Variants in RABGAP1L observed in about 807,000 individuals in gnomAD.
RABGAP1L encodes the protein RAB GTPase activating protein 1 like.
A neutral mutation model predicts 137.7 loss-of-function variants in RABGAP1L; 63 were observed. The observed-to-expected ratio is 0.46, with a 90% CI of 0.37 to 0.56. The LOEUF (loss-of-function observed/expected upper bound fraction) is 0.56. RABGAP1L is among the 20% of genes least tolerant of loss of function. RABGAP1L has a pLI of 0.00. For missense variants in RABGAP1L, 1,095 were observed against 1,244.0 expected, an observed-to-expected ratio of 0.88 and a Z score of 1.80; for synonymous variants, 431 against 433.7, an observed-to-expected ratio of 0.99 and a Z score of 0.08.
At chr1:174,393,843 G>C in intron 12 of RABGAP1L, 152 bp from the exon 13 acceptor site, 1 of 670,894 alleles carries the variant, frequency 1.5e-6, no homozygotes, top group Non-Finnish European at 2.4e-6. Context: ...ATATAACTGA[G>C]CTTAAGCAGT....
In RABGAP1L at chr1:174,756,348, C is replaced by T. The variant is rs567868217; in HGVS notation, c.2211+3994C>T. On this transcript the variant is annotated intron_variant, in intron 18 of 25. Coordinates refer to ENST00000681986, the MANE Select transcript of RABGAP1L (RefSeq NM_001366446.1). ...TATTTTTAGTAGAGACGGGGTTTCA[C>T]CATGTTGGCCAGGCTGGTCTCGAAC... is the stretch of plus-strand genomic sequence containing the variant. Among the ~76,000 whole-genome samples the T allele has an allele frequency of 1.4e-4, 21 of 152,188 alleles. 1 individual carries two copies. The highest frequency in any genetic ancestry group is 1.0e-3 in the Admixed American group (16 of 15,274).
At chr1:174,391,415 C>T (rs890555427) in intron 12 of RABGAP1L, among the ~76,000 whole-genome samples, 1 of 152,188 alleles carries the variant, frequency 6.6e-6, no homozygotes, top group African/African-American at 2.4e-5. Flanking sequence ...CTCTGAGGCT[C>T]AGGTGATTCT....
At chr1:174,944,995 A>G (rs1028385017) in intron 19 of RABGAP1L, among the ~76,000 whole-genome samples, 2 of 152,222 alleles carry the variant, frequency 1.3e-5, no homozygotes, top group Non-Finnish European at 2.9e-5. Context: ...GTTTCTTAGC[A>G]TTTTATGGTG....
chr1:174,649,451 T>C (rs1675269731), intron 14 of RABGAP1L, among the ~76,000 whole-genome samples: 2 of 152,116 alleles, frequency 1.3e-5, no homozygotes, highest in African/African-American at 4.8e-5. Flanking sequence ...ATTTCTCCTT[T>C]GCTTATAAAT....
At chr1:174,878,724 AAAAAT>A (rs1015176689) in intron 19 of RABGAP1L, among the ~76,000 whole-genome samples, 4 of 152,096 alleles carry the variant, frequency 2.6e-5, no homozygotes, top group Non-Finnish European at 5.9e-5. Flanking sequence ...ATAAAAATAA[AAAAAT>A]AAAGGAGAAA....
intron 19 of RABGAP1L, among the ~76,000 whole-genome samples, chr1:174,910,262 A>G (rs1334050477): frequency 6.6e-6 from 1 of 152,234 alleles, no homozygotes; most frequent in African/African-American, 2.4e-5. Context: ...CATCACATGG[A>G]CAGAACCAAT....
At chr1:174,372,487 G>T (rs1449080019) in intron 12 of RABGAP1L, among the ~76,000 whole-genome samples, 1 of 152,102 alleles carries the variant, frequency 6.6e-6, no homozygotes, top group Non-Finnish European at 1.5e-5. Context: ...TCTGGTCTAA[G>T]TGAAGCAGAA....
intron 13 of RABGAP1L, among the ~76,000 whole-genome samples, chr1:174,497,680 G>A (rs1232609075): frequency 6.6e-6 from 1 of 152,114 alleles, no homozygotes; most frequent in Non-Finnish European, 1.5e-5. Flanking sequence ...TTTGTCATTG[G>A]CAGCTTCTTA....
intron 17 of RABGAP1L, among the ~76,000 whole-genome samples, chr1:174,707,180 A>G (rs1360002279): frequency 6.6e-6 from 1 of 151,906 alleles, no homozygotes; most frequent in Admixed American, 6.6e-5. Flanking sequence ...TTTTTATTCA[A>G]TAAAGATCTT....
At chr1:174,238,628 C>T (rs1204979683) in intron 4 of RABGAP1L, among the ~76,000 whole-genome samples, 1 of 150,476 alleles carries the variant, frequency 6.6e-6, no homozygotes, top group Non-Finnish European at 1.5e-5. Context: ...TGCCCGTTCT[C>T]AGATCTCCAG....
chr1:174,913,256 G>A (rs1443655501), intron 19 of RABGAP1L, among the ~76,000 whole-genome samples: 1 of 152,126 alleles, frequency 6.6e-6, no homozygotes, highest in African/African-American at 2.4e-5. Context: ...GATTACAGGT[G>A]TGAGCCACTG....
chr1:174,855,761 A>G (rs1008790487), intron 19 of RABGAP1L, among the ~76,000 whole-genome samples: 1 of 152,196 alleles, frequency 6.6e-6, no homozygotes, highest in African/African-American at 2.4e-5. Context: ...ATTAAAAGGT[A>G]TTTTTGTGTG....
chr1:174,609,215 G>A (rs1671000310), intron 13 of RABGAP1L, among the ~76,000 whole-genome samples: 1 of 152,000 alleles, frequency 6.6e-6, no homozygotes, highest in African/African-American at 2.4e-5. Context: ...ACAAATACCT[G>A]GAAAGAAACC....
intron 13 of RABGAP1L, among the ~76,000 whole-genome samples, chr1:174,407,208 A>G (rs1359178377): frequency 3.9e-5 from 6 of 151,930 alleles, no homozygotes; most frequent in Admixed American, 3.3e-4. Context: ...ATTTCTGCAC[A>G]TGTTTTGGTC....
chr1:174,493,769 C>T lies in RABGAP1L; in HGVS notation c.1710+99624C>T, dbSNP rs180902178. ...CCGTGAGGTTGAGGCTGCAGTGAGC[C>T]GAGATCATGTCAGTGCACTTCAGCC... On this transcript the variant is annotated intron_variant, in intron 13 of 25. Transcript: ENST00000681986. Among the ~76,000 whole-genome samples the T allele has an allele frequency of 2.0e-3, 293 of 146,524 alleles. 1 individual carries two copies. Among genetic ancestry groups the T allele is most frequent in the African/African-American group, 7.0e-3 (274 of 39,334 alleles).
Position 174,699,511 on chromosome 1 carries a change from A to G in RABGAP1L, c.1900-14A>G, listed in dbSNP as rs370663956. On this transcript the variant is annotated splice_polypyrimidine_tract_variant and intron_variant, in intron 15 of 25. Transcript: ENST00000681986. ...CCACTTATTTATATTGTATATGTAT[A>G]TATTTTTCTGTAGATGCCAGAGGAA... is the stretch of plus-strand genomic sequence containing the variant. 2.7e-5 allele frequency: 44 copies of G among 1,608,292 alleles called. No individual in the cohort carries two copies. Among genetic ancestry groups the G allele is most frequent in the Non-Finnish European group, 3.7e-5 (43 of 1,177,196 alleles).
chr1:174,603,388 CTG>C (rs1170573223), intron 13 of RABGAP1L, among the ~76,000 whole-genome samples: 1 of 152,148 alleles, frequency 6.6e-6, no homozygotes, highest in Non-Finnish European at 1.5e-5. Flanking sequence ...ATCACTTGGA[CTG>C]TGGTGAGTCA....
At chr1:174,284,210 A>G (rs770832313) in intron 10 of RABGAP1L, among the ~76,000 whole-genome samples, 8 of 152,210 alleles carry the variant, frequency 5.3e-5, no homozygotes, top group Non-Finnish European at 7.3e-5. Context: ...TATTCATCTT[A>G]TAACTGAAAG....
intron 13 of RABGAP1L, 43 bp from the exon 14 acceptor site, chr1:174,637,332 G>A: frequency 7.3e-7 from 1 of 1,370,348 alleles, no homozygotes; most frequent in South Asian, 1.2e-5. Flanking sequence ...TTTCATAACT[G>A]GGAAAAAATT....
Sources: gnomAD v4.1 joint callset for allele counts (sites outside exome capture counted in the v4.1 genomes callset) on GRCh38, gnomAD v4.1.1 for gene constraint, MANE v1.5 for transcripts, NCBI Gene and HGNC (gene_info 2026-07-23, HGNC 2026-07-21) for gene names.